The following STRA6 variants were observed in gnomAD, a reference collection of about 807,000 sequenced individuals.
The protein encoded by STRA6 is signaling receptor and transporter of retinol STRA6.
A neutral mutation model predicts 83.6 loss-of-function variants in STRA6; 48 were observed. That is an observed-to-expected ratio of 0.57 (90% CI 0.46 to 0.73). The LOEUF (loss-of-function observed/expected upper bound fraction) is 0.73. STRA6 is among the 30% of genes least tolerant of loss of function. The probability of loss-of-function intolerance (pLI) is 0.00; values close to 1 mark genes in which losing one functional copy is unlikely to be tolerated. For missense variants in STRA6, 760 were observed against 838.8 expected, an observed-to-expected ratio of 0.91 and a Z score of 1.16; for synonymous variants, 353 against 362.3, an observed-to-expected ratio of 0.97 and a Z score of 0.29.
chr15:74,194,995 A>T lies in STRA6; in HGVS notation c.597+307T>A, dbSNP rs967451491. 18 of 1,432,510 alleles carry T rather than the reference A, an allele frequency of 1.3e-5. 1 individual carries two copies. Among genetic ancestry groups the T allele is most frequent in the East Asian group, 5.0e-5 (2 of 39,890 alleles). 88.7% of individuals were successfully genotyped at this position (1,432,510 alleles called of 1,614,324 possible). A position where few individuals can be genotyped will look rare whatever the true frequency, so the allele number is the denominator to read the frequency against. ...CTGACCAAAGGGAAGCTGGGGGATC[A>T]CTAACACAGGCATTGGGGGTGGGGG... On this transcript the variant is annotated intron_variant, in intron 7 of 18. Coordinates refer to ENST00000395105, the MANE Select transcript of STRA6 (RefSeq NM_022369.4).
upstream of STRA6, among the ~76,000 whole-genome samples, chr15:74,210,684 G>A (rs1271867167): frequency 6.6e-6 from 1 of 152,196 alleles, no homozygotes; most frequent in Non-Finnish European, 1.5e-5. Flanking sequence ...GAGCTGTGAA[G>A]GCATCACTGA....
At chr15:74,204,265 C>G (rs951661809), upstream of STRA6, among the ~76,000 whole-genome samples, 10 of 152,374 alleles carry the variant, frequency 6.6e-5, no homozygotes, top group Non-Finnish European at 1.0e-4. Context: ...GGGCGGGACT[C>G]TATCCCTCCC....
chr15:74,211,403 T>C (rs1038907940), upstream of STRA6, among the ~76,000 whole-genome samples: 1 of 146,378 alleles, frequency 6.8e-6, no homozygotes, highest in Non-Finnish European at 1.5e-5. Flanking sequence ...CTTTTTTTTT[T>C]TTTTTTTTTT....
At chr15:74,180,975 G>A in intron 17 of STRA6, 38 bp from the exon 18 acceptor site, 1 of 1,611,482 alleles carries the variant, frequency 6.2e-7, no homozygotes, top group Non-Finnish European at 8.5e-7. Context: ...TGGGGGAGCA[G>A]GGGCCACACT....
At chr15:74,190,169 T>C (rs2073461971) in intron 11 of STRA6, among the ~76,000 whole-genome samples, 1 of 152,244 alleles carries the variant, frequency 6.6e-6, no homozygotes, top group East Asian at 1.9e-4. Flanking sequence ...CACCTCTATC[T>C]ATTTACCCAT....
chr15:74,199,028 G>C (rs1452068482), intron 2 of STRA6, among the ~76,000 whole-genome samples: 1 of 152,248 alleles, frequency 6.6e-6, no homozygotes, highest in African/African-American at 2.4e-5. Flanking sequence ...GGTTTTCCCA[G>C]CTTGGGCCTG....
At chr15:74,189,325 G>T in intron 11 of STRA6, 48 bp from the exon 12 acceptor site, 1 of 1,554,388 alleles carries the variant, frequency 6.4e-7, no homozygotes, top group Non-Finnish European at 8.7e-7. Flanking sequence ...AGGGTTTTCT[G>T]TGCTAACAGG....
chr15:74,202,801 C>T (rs1283140939), upstream of STRA6: 2 of 1,117,946 alleles, frequency 1.8e-6, no homozygotes, highest in Non-Finnish European at 2.2e-6. Flanking sequence ...TGGGCCCTCC[C>T]AGCTGGGCTC....
At chr15:74,182,579 C>G (rs1408232395) in intron 14 of STRA6, 119 bp from the exon 15 acceptor site, 1 of 756,486 alleles carries the variant, frequency 1.3e-6, no homozygotes, top group East Asian at 2.7e-5. Context: ...GATCTCTGCT[C>G]TGCCACTGCC....
intron 12 of STRA6, among the ~76,000 whole-genome samples, chr15:74,186,472 G>A (rs1398074627): frequency 1.3e-5 from 2 of 152,212 alleles, no homozygotes; most frequent in Non-Finnish European, 2.9e-5. Context: ...GCCAGGCCTG[G>A]TGGCGGGCCC....
intron 7 of STRA6, chr15:74,194,862 G>T: frequency 7.4e-7 from 1 of 1,355,814 alleles, no homozygotes; most frequent in Middle Eastern, 2.7e-4. Context: ...CCAGCAGCCA[G>T]TGAGCAAGGT....
At chr15:74,197,562 G>A (rs2073876591) in intron 3 of STRA6, 139 bp from the exon 4 acceptor site, 3 of 1,080,052 alleles carry the variant, frequency 2.8e-6, no homozygotes, top group Non-Finnish European at 4.2e-6. Flanking sequence ...GACTGGTCAA[G>A]GGGTGACAGA....
At chr15:74,190,973 G>T (rs755539692) in intron 10 of STRA6, 72 bp from the exon 11 acceptor site, 5 of 1,605,840 alleles carry the variant, frequency 3.1e-6, no homozygotes, top group Middle Eastern at 1.6e-4. Flanking sequence ...CCTCCCAAGG[G>T]GCCCAGGAAA....
At position 74,208,711 on chromosome 15, in the gene STRA6, C is replaced by T. The variant is rs572397608; in HGVS notation, c.-16+89G>A. Reference sequence around the variant, plus strand: ...CTGCCCCTAGGCTCTGACTCCTGCTCACTTCCCACCGCACACCCCATGTGC... The same window carrying T: ...CTGCCCCTAGGCTCTGACTCCTGCTTACTTCCCACCGCACACCCCATGTGC... On this transcript the variant is annotated intron_variant, in intron 1 of 18. Coordinates refer to the STRA6 transcript ENST00000323940. The T allele has an allele frequency of 3.6e-5, 36 of 987,460 alleles. No individual in the cohort carries two copies. In the South Asian group the frequency reaches 1.4e-3, roughly 39 times the overall value. 61.2% of individuals were successfully genotyped at this position (987,460 alleles called of 1,614,324 possible).
At chr15:74,206,317 G>A (rs575053896), upstream of STRA6, among the ~76,000 whole-genome samples, 1 of 152,348 alleles carries the variant, frequency 6.6e-6, no homozygotes, top group Admixed American at 6.5e-5. Flanking sequence ...CAAGCTGCAA[G>A]GTGAGCCCAC....
chr15:74,190,930 G>A, intron 10 of STRA6, 29 bp from the exon 11 acceptor site: 2 of 1,614,016 alleles, frequency 1.2e-6, no homozygotes, highest in Non-Finnish European at 1.7e-6. Flanking sequence ...GGAGTATGGT[G>A]AACAGCACCA....
chr15:74,195,812 T>C (rs1451345665), intron 5 of STRA6, 137 bp from the exon 6 acceptor site: 1 of 940,442 alleles, frequency 1.1e-6, no homozygotes, highest in African/African-American at 1.6e-5. Flanking sequence ...CATTGCAAAA[T>C]GGGGCTAATA....
At chr15:74,182,873 T>C in intron 14 of STRA6, 1 of 246,432 alleles carries the variant, frequency 4.1e-6, no homozygotes, top group Non-Finnish European at 8.0e-6. Context: ...TCTATTGAAA[T>C]AATCTGGCCA....
intron 8 of STRA6, among the ~76,000 whole-genome samples, 163 bp downstream of exon 8, chr15:74,193,637 C>T (rs2142042565): frequency 6.6e-6 from 1 of 152,288 alleles, no homozygotes; most frequent in African/African-American, 2.4e-5. Flanking sequence ...CAGCTTTTGC[C>T]TAGGGAGGGA....
Sources: allele counts gnomAD v4.1 joint callset (sites outside exome capture counted in the v4.1 genomes callset), GRCh38; gene constraint gnomAD v4.1.1; transcripts MANE v1.5; gene names NCBI Gene and HGNC (gene_info 2026-07-23, HGNC 2026-07-21).